DACH2: variants seen among roughly 807,000 people sequenced by gnomAD.
The protein encoded by DACH2 is dachshund family transcription factor 2, also known as dachshund homolog 2.
Under a neutral mutation model 35.8 loss-of-function variants are expected in DACH2, and 17 were observed. That is an observed-to-expected ratio of 0.48 (90% CI 0.33 to 0.71). DACH2 has a LOEUF of 0.71. DACH2 is among the 30% of genes least tolerant of loss of function. The pLI is 0.02. For missense variants in DACH2, 469 were observed against 472.7 expected (o/e 0.99, Z 0.07); for synonymous variants, 195 against 177.3 (o/e 1.10, Z -0.79).
At chrX:86,613,907 A>T (rs1280609705) in intron 3 of DACH2, among the ~76,000 whole-genome samples, 1 of 111,853 alleles carries the variant, frequency 8.9e-6, no homozygotes, top group Non-Finnish European at 1.9e-5. Context: ...TGTAACTCTC[A>T]TGTACTTCAT....
chrX:86,664,815 C>G (rs2040647719), intron 4 of DACH2, among the ~76,000 whole-genome samples: 1 of 111,994 alleles, frequency 8.9e-6, no homozygotes, highest in Admixed American at 9.5e-5. Context: ...TGTTCTACAC[C>G]CACCATGAAT....
intron 4 of DACH2, among the ~76,000 whole-genome samples, chrX:86,694,231 T>A (rs1182763114): frequency 8.9e-6 from 1 of 112,176 alleles, no homozygotes; most frequent in Non-Finnish European, 1.9e-5. Flanking sequence ...AGCCAGACTA[T>A]GTGCTCCTGC....
At chrX:86,484,763 T>C (rs1402701143) in intron 2 of DACH2, among the ~76,000 whole-genome samples, 1 of 112,345 alleles carries the variant, frequency 8.9e-6, no homozygotes, top group Non-Finnish European at 1.9e-5. Flanking sequence ...CAGTTCATCT[T>C]ATATGATAGA....
chrX:86,250,984 T>C lies in DACH2; in HGVS notation c.488+101876T>C, dbSNP rs538014415. ...TACCTTTCAATCAGGTGATTAACTT[T>C]CTGGAGCTGCAATTGAGGTTTCCAG... On this transcript the variant is annotated intron_variant, in intron 1 of 11. Transcript: ENST00000373125. Among the ~76,000 whole-genome samples the C allele has an allele frequency of 3.6e-5, 4 of 111,265 alleles. 1 individual carries two copies. The East Asian group carries it at 1.1e-3, about 32-fold the overall frequency.
chrX:86,272,008 C>T (rs1358990289), intron 1 of DACH2, among the ~76,000 whole-genome samples: 1 of 111,301 alleles, frequency 9.0e-6, no homozygotes, highest in Non-Finnish European at 1.9e-5. Context: ...TTCTCAGTCT[C>T]CAGTGTTTAT....
chrX:86,514,294 G>A lies in DACH2; in HGVS notation c.543G>A (p.Arg181=), dbSNP rs753450526. 8.3e-7 allele frequency: 1 copy of A among 1,210,395 alleles called. No homozygotes were observed. The highest frequency in any genetic ancestry group is 1.1e-6 in the Non-Finnish European group (1 of 894,787). Residue 181 remains arginine, a synonymous_variant, in exon 3 of 12, where the codon AGG becomes AGA. Transcript: ENST00000373125. ...KQAVNSSRPG[R]PPKRSLGVLQ... Reference sequence around the variant, plus strand: ...TTTTCAACAGTTCAAGACCCGGCAGGCCCCCTAAGCGTTCTTTGGGAGTGT... The same window carrying A: ...TTTTCAACAGTTCAAGACCCGGCAGACCCCCTAAGCGTTCTTTGGGAGTGT...
chrX:86,743,945 T>A lies in DACH2; in HGVS notation c.1240+4063T>A, dbSNP rs73228627. ...CCATGTCATGATTATTTAAAGGACATCTTGATAGTAAAGCAGCTTTGCTAG... is the reference window on the plus strand; with the variant it reads ...CCATGTCATGATTATTTAAAGGACAACTTGATAGTAAAGCAGCTTTGCTAG... On this transcript the variant is annotated intron_variant, in intron 7 of 11. Transcript: ENST00000373125. Among the ~76,000 whole-genome samples the A allele has an allele frequency of 8.4e-4, 94 of 111,360 alleles. 1 individual carries two copies. The highest frequency in any genetic ancestry group is 6.7e-3 in the South Asian group (18 of 2,670).
intron 1 of DACH2, among the ~76,000 whole-genome samples, chrX:86,288,956 G>C (rs1015722759): frequency 3.6e-5 from 4 of 111,043 alleles, no homozygotes; most frequent in African/African-American, 1.3e-4. Context: ...AGTGGAAGGA[G>C]TCTTGCCCTG....
At chrX:86,516,656 T>A (rs2038472312) in intron 3 of DACH2, among the ~76,000 whole-genome samples, 1 of 110,668 alleles carries the variant, frequency 9.0e-6, no homozygotes, top group African/African-American at 3.3e-5. Flanking sequence ...TATTGTTTCA[T>A]CACCCGGGTA....
At chrX:86,425,971 T>G (rs2036887266) in intron 2 of DACH2, among the ~76,000 whole-genome samples, 1 of 111,234 alleles carries the variant, frequency 9.0e-6, no homozygotes, top group African/African-American at 3.3e-5. Flanking sequence ...TAGACTCCTT[T>G]AGGATGAAAA....
intron 6 of DACH2, among the ~76,000 whole-genome samples, chrX:86,729,641 C>T (rs2041510069): frequency 9.0e-6 from 1 of 111,718 alleles, no homozygotes; most frequent in African/African-American, 3.3e-5. Context: ...GGAGGTGGTA[C>T]CTGATGGGAG....
At chrX:86,178,145 A>C (rs1020788814) in intron 1 of DACH2, among the ~76,000 whole-genome samples, 1 of 111,684 alleles carries the variant, frequency 9.0e-6, no homozygotes, top group African/African-American at 3.2e-5. Context: ...AACTGTTATC[A>C]GAAAATGTGA....
intron 1 of DACH2, among the ~76,000 whole-genome samples, chrX:86,158,678 A>C (rs2030641206): frequency 9.0e-6 from 1 of 110,760 alleles, no homozygotes; most frequent in South Asian, 3.8e-4. Context: ...TCCTATCATT[A>C]GCTTGGGGTG....
intron 2 of DACH2, among the ~76,000 whole-genome samples, chrX:86,446,072 T>C (rs1434680111): frequency 9.0e-6 from 1 of 111,131 alleles, no homozygotes; most frequent in Non-Finnish European, 1.9e-5. Context: ...TTATATTCTC[T>C]TGCTGAATTA....
At chrX:86,494,154 G>A (rs915607859) in intron 2 of DACH2, among the ~76,000 whole-genome samples, 3 of 112,051 alleles carry the variant, frequency 2.7e-5, no homozygotes, top group African/African-American at 9.7e-5. Context: ...GATTGCAAGA[G>A]AGAAAATAAT....
intron 1 of DACH2, among the ~76,000 whole-genome samples, chrX:86,247,200 C>T (rs1351437159): frequency 2.7e-5 from 3 of 111,230 alleles, no homozygotes; most frequent in Non-Finnish European, 5.7e-5. Flanking sequence ...TTCCTAACAT[C>T]ACATGTAGAG....
chrX:86,698,521 GTTT>G (rs767152609), intron 5 of DACH2, among the ~76,000 whole-genome samples: 16 of 32,951 alleles, frequency 4.9e-4, no homozygotes, highest in South Asian at 5.1e-3. Context: ...TTAGTTTTGT[GTTT>G]TTTTTTTTTT....
chrX:86,251,033 T>C (rs2033389390), intron 1 of DACH2, among the ~76,000 whole-genome samples: 1 of 111,479 alleles, frequency 9.0e-6, no homozygotes. Context: ...GGTGTGCCTG[T>C]AGGTATCCTG....
chrX:86,498,063 G>A (rs1270067113), intron 2 of DACH2, among the ~76,000 whole-genome samples: 2 of 111,239 alleles, frequency 1.8e-5, no homozygotes, highest in Non-Finnish European at 3.8e-5. Context: ...AAGAAGTCAA[G>A]GAGGAAAAAA....
Sources: allele counts gnomAD v4.1 joint callset (sites outside exome capture counted in the v4.1 genomes callset), GRCh38; gene constraint gnomAD v4.1.1; transcripts MANE v1.5; gene names NCBI Gene and HGNC (gene_info 2026-07-23, HGNC 2026-07-21).